ZCWPW2: variants seen among roughly 807,000 people sequenced by gnomAD.
ZCWPW2 encodes zinc finger CW-type PWWP domain protein 2.
Under a neutral mutation model 46.6 loss-of-function variants are expected in ZCWPW2, and 45 were observed. That is an observed-to-expected ratio of 0.96 (90% confidence interval 0.76 to 1.24). The LOEUF (loss-of-function observed/expected upper bound fraction) is 1.24, where lower values mean the gene tolerates loss of function less well. Among genes scored for constraint, ZCWPW2 ranks in the 50% most tolerant of loss-of-function variants. The pLI is 0.00. For synonymous variants in ZCWPW2, 152 were observed against 137.1 expected (o/e 1.11, Z -0.76); for missense variants, 429 against 403.9 (o/e 1.06, Z -0.53).
At chr3:28,374,566 G>A (rs1705442678) in intron 1 of ZCWPW2, among the ~76,000 whole-genome samples, 1 of 152,120 alleles carries the variant, frequency 6.6e-6, no homozygotes, top group Non-Finnish European at 1.5e-5. Context: ...GCTTTGGGTA[G>A]TGTTATCATT....
At chr3:28,478,715 A>G (rs1207625272) in intron 4 of ZCWPW2, 99 bp from the exon 5 acceptor site, 8 of 520,840 alleles carry the variant, frequency 1.5e-5, no homozygotes, top group African/African-American at 2.0e-5. Flanking sequence ...ACGTTATACA[A>G]TGCTCCAAAT....
chr3:28,372,829 T>C lies in ZCWPW2; in HGVS notation c.-133-17669T>C, dbSNP rs140892943. 1.1e-3 allele frequency among the ~76,000 whole-genome samples: 165 copies of C among 152,190 alleles called. 1 individual carries two copies. Among genetic ancestry groups the C allele is most frequent in the African/African-American group, 3.7e-3 (152 of 41,456 alleles). On this transcript the variant is annotated intron_variant, in intron 1 of 9. Coordinates refer to ENST00000383768, the MANE Select transcript of ZCWPW2 (RefSeq NM_001040432.4). ...TCTATTATTCCCCTCTGTAGCTCCA[T>C]GTGTACCCATTGTTTAGCTGTCACT...
At chr3:28,503,752 G>A (rs907913763) in intron 6 of ZCWPW2, among the ~76,000 whole-genome samples, 1 of 151,780 alleles carries the variant, frequency 6.6e-6, no homozygotes, top group African/African-American at 2.4e-5. Flanking sequence ...TAAGCATTTG[G>A]CTTTTGTCCA....
At chr3:28,429,308 G>C (rs770295556) in intron 3 of ZCWPW2, among the ~76,000 whole-genome samples, 15 of 152,162 alleles carry the variant, frequency 9.9e-5, no homozygotes, top group South Asian at 4.1e-4. Context: ...CCTTGCCCTA[G>C]AGATTCTGTG....
chr3:28,400,167 C>G (rs1695865184), intron 2 of ZCWPW2, among the ~76,000 whole-genome samples: 2 of 151,872 alleles, frequency 1.3e-5, no homozygotes, highest in Admixed American at 1.3e-4. Flanking sequence ...TAGAATGGAA[C>G]AAGTAGAAGA....
At chr3:28,485,150 T>A (rs1354020947) in intron 5 of ZCWPW2, among the ~76,000 whole-genome samples, 2 of 151,966 alleles carry the variant, frequency 1.3e-5, no homozygotes, top group Non-Finnish European at 2.9e-5. Flanking sequence ...TTTTTTTTTT[T>A]CTTTGATCTA....
chr3:28,510,186 A>T (rs1700389292), intron 6 of ZCWPW2, among the ~76,000 whole-genome samples: 1 of 152,200 alleles, frequency 6.6e-6, no homozygotes, highest in African/African-American at 2.4e-5. Context: ...TTATTCCAGT[A>T]CCATACTATC....
chr3:28,360,679 A>G (rs1704906213), intron 1 of ZCWPW2, among the ~76,000 whole-genome samples: 2 of 152,178 alleles, frequency 1.3e-5, no homozygotes, highest in Non-Finnish European at 2.9e-5. Flanking sequence ...AATGCATTAA[A>G]AAAAGAGATA....
chr3:28,447,922 T>G, intron 4 of ZCWPW2: 1 of 798,246 alleles, frequency 1.3e-6, no homozygotes, highest in Non-Finnish European at 2.1e-6. Flanking sequence ...TCTTATGAGA[T>G]TGTCCAAAAC....
At chr3:28,373,230 A>G (rs561549097) in intron 1 of ZCWPW2, among the ~76,000 whole-genome samples, 2 of 152,154 alleles carry the variant, frequency 1.3e-5, no homozygotes, top group East Asian at 3.9e-4. Flanking sequence ...AGGGACATCT[A>G]TGCTCTTTTA....
chr3:28,459,843 TA>T (rs966219570), intron 4 of ZCWPW2, among the ~76,000 whole-genome samples: 4 of 152,098 alleles, frequency 2.6e-5, no homozygotes, highest in Non-Finnish European at 4.4e-5. Flanking sequence ...GGGGCTTCTT[TA>T]AAAAAAATTG....
chr3:28,365,108 T>A (rs1427541339), intron 1 of ZCWPW2, among the ~76,000 whole-genome samples: 3 of 151,480 alleles, frequency 2.0e-5, no homozygotes, highest in Non-Finnish European at 4.4e-5. Flanking sequence ...GCCTGTTCAC[T>A]CTGATGGTAG....
intron 2 of ZCWPW2, among the ~76,000 whole-genome samples, chr3:28,391,873 C>G (rs1695507575): frequency 6.6e-6 from 1 of 151,978 alleles, no homozygotes; most frequent in African/African-American, 2.4e-5. Flanking sequence ...ATGCCCCAGC[C>G]CCTAGAGAAA....
intron 1 of ZCWPW2, among the ~76,000 whole-genome samples, chr3:28,351,246 T>TA (rs1392112887): frequency 4.0e-5 from 6 of 149,044 alleles, no homozygotes; most frequent in Non-Finnish European, 5.9e-5. Context: ...GCTCATTATA[T>TA]AAAAAATATA....
intron 9 of ZCWPW2, 140 bp from the exon 10 acceptor site, chr3:28,524,386 AT>A: frequency 1.3e-6 from 1 of 797,276 alleles, no homozygotes; most frequent in South Asian, 1.8e-5. Context: ...ATTATACTAT[AT>A]ATAGTGATTA....
At chr3:28,523,839 C>A (rs1255686031) in intron 9 of ZCWPW2, among the ~76,000 whole-genome samples, 1 of 152,022 alleles carries the variant, frequency 6.6e-6, no homozygotes, top group African/African-American at 2.4e-5. Context: ...CTTGACTTGG[C>A]AAGCAATCGG....
chr3:28,380,279 C>T (rs552344159), intron 1 of ZCWPW2, among the ~76,000 whole-genome samples: 36 of 152,158 alleles, frequency 2.4e-4, no homozygotes, highest in African/African-American at 4.8e-4. Flanking sequence ...CCACCACGCC[C>T]GGCCAGTTTA....
intron 5 of ZCWPW2, among the ~76,000 whole-genome samples, chr3:28,488,213 T>C (rs1363593185): frequency 6.6e-6 from 1 of 152,126 alleles, no homozygotes; most frequent in Non-Finnish European, 1.5e-5. Context: ...CAATTAAAGT[T>C]CAGGTTTTCC....
At chr3:28,458,069 G>T (rs1028657082) in intron 4 of ZCWPW2, among the ~76,000 whole-genome samples, 3 of 152,102 alleles carry the variant, frequency 2.0e-5, no homozygotes, top group Non-Finnish European at 4.4e-5. Flanking sequence ...TATGGGCTAA[G>T]GAACTCTTTA....
Sources: gnomAD v4.1 joint callset for allele counts (sites outside exome capture counted in the v4.1 genomes callset) on GRCh38, gnomAD v4.1.1 for gene constraint, MANE v1.5 for transcripts, NCBI Gene and HGNC (gene_info 2026-07-23, HGNC 2026-07-21) for gene names.